The following GYPE variants were observed in gnomAD, a reference collection of about 807,000 sequenced individuals.
The protein encoded by GYPE is glycophorin E (MNS blood group), also known as glycophorin-E.
In GYPE, 8 loss-of-function variants were observed where a neutral mutation model predicts 11.6. The ratio of observed to expected loss-of-function variants is 0.69; its 90% CI spans 0.41 to 1.25. GYPE has a LOEUF of 1.25. GYPE is among the 50% of genes most tolerant of loss of function. GYPE has a pLI of 0.01. For missense variants in GYPE, 90 were observed against 92.8 expected (o/e 0.97, Z 0.12); for synonymous variants, 28 against 29.6 (o/e 0.94, Z 0.18).
intron 3 of GYPE, among the ~76,000 whole-genome samples, chr4:143,876,243 G>A (rs1743804572): frequency 6.6e-6 from 1 of 152,000 alleles, no homozygotes; most frequent in African/African-American, 2.4e-5. Context: ...CCCCCTGAGT[G>A]GCTGATACTA....
chr4:143,899,333 C>A (rs1164184758), intron 1 of GYPE, among the ~76,000 whole-genome samples: 1 of 152,168 alleles, frequency 6.6e-6, no homozygotes, highest in Non-Finnish European at 1.5e-5. Flanking sequence ...CCTCTAGCAA[C>A]TACCTGAGAC....
intron 1 of GYPE, among the ~76,000 whole-genome samples, chr4:143,894,449 T>A (rs113696329): frequency 6.6e-6 from 1 of 151,890 alleles, no homozygotes; most frequent in Non-Finnish European, 1.5e-5. Context: ...TTTTATCTAC[T>A]TTTGGTCTTT....
At chr4:143,876,108 T>C (rs867269671) in intron 3 of GYPE, among the ~76,000 whole-genome samples, 1 of 152,104 alleles carries the variant, frequency 6.6e-6, no homozygotes, top group Admixed American at 6.6e-5. Context: ...ATTTTGTTTA[T>C]TTTTATTTAT....
intron 1 of GYPE, among the ~76,000 whole-genome samples, chr4:143,897,019 AG>A (rs1300494381): frequency 1.5e-5 from 2 of 136,756 alleles, no homozygotes; most frequent in Admixed American, 7.2e-5. Flanking sequence ...GGGTGGGGGC[AG>A]GGGGGAGGGA....
chr4:143,882,281 T>G (rs1969202), intron 1 of GYPE, among the ~76,000 whole-genome samples: 145,946 of 150,850 alleles, frequency 0.97, 70,811 homozygotes, highest in East Asian at 1. Flanking sequence ...ACAATAACCT[T>G]GTGATAGGGA....
At chr4:143,885,054 G>T (rs1259858850) in intron 1 of GYPE, among the ~76,000 whole-genome samples, 4 of 151,180 alleles carry the variant, frequency 2.6e-5, no homozygotes, top group African/African-American at 9.7e-5. Context: ...GAGTGGCCAA[G>T]ATAAGCAGTC....
intron 1 of GYPE, among the ~76,000 whole-genome samples, chr4:143,889,002 G>C (rs1225719091): frequency 7.7e-6 from 1 of 130,108 alleles, no homozygotes; most frequent in Non-Finnish European, 1.6e-5. Context: ...AGAAAAGCGT[G>C]GCCTATTAAC....
At chr4:143,896,717 T>C (rs1382468797) in intron 1 of GYPE, among the ~76,000 whole-genome samples, 3 of 152,272 alleles carry the variant, frequency 2.0e-5, no homozygotes, top group African/African-American at 4.8e-5. Flanking sequence ...TGTATGTTTA[T>C]TGCGGCACTA....
intron 1 of GYPE, among the ~76,000 whole-genome samples, chr4:143,892,845 G>T (rs1043771757): frequency 4.5e-4 from 68 of 149,968 alleles, no homozygotes; most frequent in African/African-American, 1.4e-3. Flanking sequence ...GCAGAGCTGA[G>T]TTCAATTCCT....
intron 2 of GYPE, 108 bp from the exon 3 acceptor site, chr4:143,876,963 G>C (rs1743839982): frequency 4.2e-6 from 3 of 709,770 alleles, no homozygotes; most frequent in Non-Finnish European, 7.8e-6. Context: ...CCTTTTAATA[G>C]AAAGTACAAT....
At chr4:143,897,107 T>C (rs991773423) in intron 1 of GYPE, among the ~76,000 whole-genome samples, 1 of 152,054 alleles carries the variant, frequency 6.6e-6, no homozygotes, top group African/African-American at 2.4e-5. Flanking sequence ...TGTATACATA[T>C]GTAACTAACC....
intron 1 of GYPE, among the ~76,000 whole-genome samples, chr4:143,899,310 G>C (rs181490461): frequency 3.3e-5 from 5 of 152,098 alleles, no homozygotes; most frequent in African/African-American, 1.2e-4. Flanking sequence ...AACTGCCTAG[G>C]CTCAAACTGA....
At chr4:143,891,242 A>G (rs533554998) in intron 1 of GYPE, among the ~76,000 whole-genome samples, 1 of 151,758 alleles carries the variant, frequency 6.6e-6, no homozygotes. Context: ...GAGTATGACT[A>G]TGTTCCAGTA....
At chr4:143,881,426 C>A (rs1472361594) in intron 1 of GYPE, among the ~76,000 whole-genome samples, 1 of 151,934 alleles carries the variant, frequency 6.6e-6, no homozygotes, top group African/African-American at 2.4e-5. Flanking sequence ...CAAGAAAGCA[C>A]AAAGAATAAT....
chr4:143,895,949 G>T (rs1292272477), intron 1 of GYPE, among the ~76,000 whole-genome samples: 3 of 151,886 alleles, frequency 2.0e-5, no homozygotes, highest in Non-Finnish European at 4.4e-5. Context: ...AAACTGGCTA[G>T]CCATATGTAG....
intron 3 of GYPE, among the ~76,000 whole-genome samples, chr4:143,874,127 G>A (rs1438213288): frequency 6.6e-6 from 1 of 152,014 alleles, no homozygotes; most frequent in Non-Finnish European, 1.5e-5. Flanking sequence ...TATGTATTTA[G>A]TTTTGAAAAA....
At chr4:143,896,294 C>T (rs1359317334) in intron 1 of GYPE, among the ~76,000 whole-genome samples, 1 of 152,080 alleles carries the variant, frequency 6.6e-6, no homozygotes, top group Non-Finnish European at 1.5e-5. Flanking sequence ...CTACAATGAA[C>T]TCAAACAAAT....
intron 3 of GYPE, chr4:143,875,455 C>T: frequency 6.4e-7 from 1 of 1,550,572 alleles, no homozygotes; most frequent in Middle Eastern, 1.7e-4. Flanking sequence ...AAGAGAACAG[C>T]AGGTGCAGCT....
intron 3 of GYPE, chr4:143,875,375 C>A: frequency 8.2e-7 from 1 of 1,218,376 alleles, no homozygotes; most frequent in Non-Finnish European, 1.2e-6. Flanking sequence ...GGCAGGAGAA[C>A]AGGGAGTTAG....
Sources: allele counts gnomAD v4.1 joint callset (sites outside exome capture counted in the v4.1 genomes callset), GRCh38; gene constraint gnomAD v4.1.1; transcripts MANE v1.5; gene names NCBI Gene and HGNC (gene_info 2026-07-23, HGNC 2026-07-21).